The following KCNQ5 variants were observed in gnomAD, a reference collection of about 807,000 sequenced individuals.
The protein encoded by KCNQ5 is potassium voltage-gated channel subfamily Q member 5, also known as potassium voltage-gated channel subfamily KQT member 5.
In KCNQ5, 30 loss-of-function variants were observed where a neutral mutation model predicts 98.2. The ratio of observed to expected loss-of-function variants is 0.31; its 90% CI spans 0.23 to 0.41. KCNQ5 has a LOEUF of 0.41. Ranked by LOEUF, KCNQ5 falls within the 10% of genes least tolerant of loss-of-function variation. KCNQ5 has a pLI of 1.00. For synonymous variants in KCNQ5, 458 were observed against 449.4 expected (o/e 1.02, Z -0.24); for missense variants, 835 against 1,182.5 (o/e 0.71, Z 4.31).
At chr6:73,039,971 A>G (rs767924388) in intron 2 of KCNQ5, among the ~76,000 whole-genome samples, 2 of 151,814 alleles carry the variant, frequency 1.3e-5, no homozygotes, top group African/African-American at 2.4e-5. Context: ...TTTCAGCCCT[A>G]TTGGTTTTGC....
Position 72,766,125 on chromosome 6 carries a change from C to G in KCNQ5, c.398+143538C>G, listed in dbSNP as rs535089028. ...AGGATGGTCAGGGAAGACTTCTGCT[C>G]ATACCTAAATGAAGAGAGGGAGCAA... On this transcript the variant is annotated intron_variant, in intron 1 of 13. Transcript: ENST00000370398. Among the ~76,000 whole-genome samples, 6 of 152,054 alleles carry G rather than the reference C, an allele frequency of 3.9e-5. No homozygotes were observed. The East Asian group carries it at 9.7e-4, about 25-fold the overall frequency.
chr6:73,045,004 C>T (rs1353520193), intron 3 of KCNQ5, among the ~76,000 whole-genome samples: 3 of 152,156 alleles, frequency 2.0e-5, no homozygotes, highest in Non-Finnish European at 2.9e-5. Flanking sequence ...TTTTTCTTTC[C>T]AGTTGGAAAT....
At chr6:72,721,813 T>A (rs765515610) in intron 1 of KCNQ5, among the ~76,000 whole-genome samples, 25 of 152,338 alleles carry the variant, frequency 1.6e-4, no homozygotes, top group Non-Finnish European at 3.7e-4. Flanking sequence ...AGGAGGGCTA[T>A]CAGGCTGTGT....
chr6:72,930,097 T>C (rs1163992587), intron 1 of KCNQ5, among the ~76,000 whole-genome samples: 1 of 152,052 alleles, frequency 6.6e-6, no homozygotes, highest in Non-Finnish European at 1.5e-5. Flanking sequence ...TTTTAAGCTT[T>C]CTTAAGTCAT....
chr6:73,037,860 T>A (rs1771509986), intron 2 of KCNQ5, among the ~76,000 whole-genome samples: 1 of 152,166 alleles, frequency 6.6e-6, no homozygotes, highest in African/African-American at 2.4e-5. Flanking sequence ...TTCCAGGTCC[T>A]GTGCATTTCC....
At chr6:73,092,483 T>C (rs1774294961) in intron 5 of KCNQ5, among the ~76,000 whole-genome samples, 1 of 152,180 alleles carries the variant, frequency 6.6e-6, no homozygotes, top group African/African-American at 2.4e-5. Context: ...GCTTTCAACT[T>C]TTCCCCATTC....
chr6:72,781,565 C>T (rs1395832055), intron 1 of KCNQ5, among the ~76,000 whole-genome samples: 1 of 152,070 alleles, frequency 6.6e-6, no homozygotes, highest in African/African-American at 2.4e-5. Flanking sequence ...ATTTCACTGT[C>T]ATTTGCCTGA....
intron 1 of KCNQ5, among the ~76,000 whole-genome samples, chr6:72,975,248 T>C (rs1768106071): frequency 1.3e-5 from 2 of 152,066 alleles, no homozygotes; most frequent in Admixed American, 1.3e-4. Flanking sequence ...AATTTTTTTT[T>C]TTGGTCACAA....
intron 1 of KCNQ5, among the ~76,000 whole-genome samples, chr6:72,728,419 C>T (rs1444884505): frequency 6.6e-6 from 1 of 152,172 alleles, no homozygotes; most frequent in Non-Finnish European, 1.5e-5. Context: ...TCTAATGCCC[C>T]CCAACACACA....
Position 72,853,564 on chromosome 6 carries a change from G to A in KCNQ5, c.399-150344G>A, listed in dbSNP as rs942181297. On this transcript the variant is annotated intron_variant, in intron 1 of 13. Transcript: ENST00000370398. ...TCGCCATGTTGGCCAAAGTGGTCTC[G>A]AACTCCTGGCCTCAAGTAATCTGCC... Among the ~76,000 whole-genome samples the A allele has an allele frequency of 7.2e-5, 11 of 152,072 alleles. 1 individual carries two copies. Among genetic ancestry groups the A allele is most frequent in the Admixed American group, 1.3e-4 (2 of 15,254 alleles).
chr6:73,013,786 A>G (rs1770190563), intron 2 of KCNQ5, among the ~76,000 whole-genome samples: 2 of 152,052 alleles, frequency 1.3e-5, no homozygotes, highest in African/African-American at 4.8e-5. Context: ...CCAGTACCCA[A>G]TGAAGTGCTC....
At chr6:73,009,256 T>C (rs907071183) in intron 2 of KCNQ5, among the ~76,000 whole-genome samples, 2 of 152,132 alleles carry the variant, frequency 1.3e-5, no homozygotes, top group African/African-American at 4.8e-5. Flanking sequence ...CCTCCCAAAG[T>C]GCTGGGATTA....
intron 2 of KCNQ5, among the ~76,000 whole-genome samples, chr6:73,007,664 G>A (rs1769874299): frequency 6.6e-6 from 1 of 152,174 alleles, no homozygotes; most frequent in Admixed American, 6.5e-5. Flanking sequence ...CTGTGCACAT[G>A]TTCCAGGAGG....
intron 1 of KCNQ5, among the ~76,000 whole-genome samples, chr6:72,880,305 G>T (rs774102135): frequency 1.3e-5 from 2 of 152,152 alleles, no homozygotes; most frequent in Non-Finnish European, 2.9e-5. Context: ...TCTGGCAAAC[G>T]CCTGCTTTCT....
At chr6:72,983,500 A>C (rs1014598251) in intron 1 of KCNQ5, among the ~76,000 whole-genome samples, 1 of 152,068 alleles carries the variant, frequency 6.6e-6, no homozygotes, top group African/African-American at 2.4e-5. Flanking sequence ...CATAGTTCTC[A>C]TGCCATGGTT....
intron 1 of KCNQ5, among the ~76,000 whole-genome samples, chr6:72,864,312 A>G (rs574778693): frequency 1.3e-5 from 2 of 152,154 alleles, no homozygotes; most frequent in Non-Finnish European, 2.9e-5. Context: ...GGCCATTAGT[A>G]CTACTCAAGA....
chr6:72,790,193 T>C (rs1363245111), intron 1 of KCNQ5, among the ~76,000 whole-genome samples: 1 of 152,246 alleles, frequency 6.6e-6, no homozygotes, highest in Non-Finnish European at 1.5e-5. Context: ...GGTCCAGCTC[T>C]TTTGTGCTCT....
chr6:73,072,610 T>G (rs1773346765), intron 3 of KCNQ5, among the ~76,000 whole-genome samples: 1 of 152,232 alleles, frequency 6.6e-6, no homozygotes, highest in Non-Finnish European at 1.5e-5. Context: ...AAAGTTCCAG[T>G]GGCATCTAAA....
At chr6:73,111,604 T>C (rs573473848) in intron 7 of KCNQ5, among the ~76,000 whole-genome samples, 4 of 152,326 alleles carry the variant, frequency 2.6e-5, no homozygotes, top group African/African-American at 7.2e-5. Context: ...ACACATGTAT[T>C]TTTAGCAAAT....
Sources: allele counts gnomAD v4.1 joint callset (sites outside exome capture counted in the v4.1 genomes callset), GRCh38; gene constraint gnomAD v4.1.1; transcripts MANE v1.5; gene names NCBI Gene and HGNC (gene_info 2026-07-23, HGNC 2026-07-21).